Variants in KIF21A observed in about 807,000 individuals in gnomAD.
KIF21A encodes kinesin family member 21A.
In KIF21A, 114 loss-of-function variants were observed where a neutral mutation model predicts 202.9. That is an observed-to-expected ratio of 0.56 (90% CI 0.48 to 0.66). The LOEUF (loss-of-function observed/expected upper bound fraction) is 0.66. KIF21A is among the 30% of genes least tolerant of loss of function. The pLI, the probability that KIF21A is intolerant of heterozygous loss-of-function variation, is 0.00. For synonymous variants in KIF21A, 667 were observed against 670.8 expected, an observed-to-expected ratio of 0.99 and a Z score of 0.09; for missense variants, 1,677 against 1,994.9, an observed-to-expected ratio of 0.84 and a Z score of 3.04.
intron 1 of KIF21A, among the ~76,000 whole-genome samples, chr12:39,414,304 A>G (rs1953356657): frequency 6.6e-6 from 1 of 152,220 alleles, no homozygotes; most frequent in African/African-American, 2.4e-5. Flanking sequence ...CTGTGCAGAA[A>G]GCAGACCAAA....
At chr12:39,416,681 ATG>A (rs796903719) in intron 1 of KIF21A, among the ~76,000 whole-genome samples, 1,666 of 99,860 alleles carry the variant, frequency 0.017, 220 homozygotes, top group South Asian at 0.096. Flanking sequence ...GTACATATAT[ATG>A]TGTGTATATA....
intron 1 of KIF21A, among the ~76,000 whole-genome samples, chr12:39,370,989 A>G (rs893988360): frequency 6.6e-6 from 1 of 152,172 alleles, no homozygotes; most frequent in African/African-American, 2.4e-5. Context: ...TAGTATTTGC[A>G]TATAACTTAC....
At chr12:39,441,302 C>T (rs530244469) in intron 1 of KIF21A, among the ~76,000 whole-genome samples, 1 of 152,242 alleles carries the variant, frequency 6.6e-6, no homozygotes, top group South Asian at 2.1e-4. Flanking sequence ...GGTCAACAAA[C>T]TGCCTTGTGA....
rs977774054 is a variant in KIF21A, at chr12:39,442,241, A to G, written c.44+686T>C. ...CACCCATTTCACCCTTCCTCTGGCT[A>G]AAGAGTTTTCCTCCTTCTGTAGACC... On this transcript the variant is annotated intron_variant, in intron 1 of 37. Coordinates refer to ENST00000361418, the MANE Select transcript of KIF21A (RefSeq NM_001173464.2). The surrounding 1 kb of genome is among the most constrained non-coding windows in gnomAD (Gnocchi z 5.0). 1.3e-5 allele frequency among the ~76,000 whole-genome samples: 2 copies of G among 152,100 alleles called. No individual in the cohort carries two copies. The highest frequency in any genetic ancestry group is 4.8e-5 in the African/African-American group (2 of 41,422).
chr12:39,376,649 T>C (rs1950287897), intron 1 of KIF21A, among the ~76,000 whole-genome samples: 1 of 152,172 alleles, frequency 6.6e-6, no homozygotes, highest in Non-Finnish European at 1.5e-5. Context: ...TCCTATAACT[T>C]ACGTGTGCAA....
chr12:39,356,872 T>C lies in KIF21A; in HGVS notation c.1429A>G (p.Asn477Asp). 3 of 1,304,070 alleles carry C rather than the reference T, an allele frequency of 2.3e-6. No individual in the cohort carries two copies. The highest frequency in any genetic ancestry group is 3.3e-6 in the Non-Finnish European group (3 of 900,884). 80.8% of individuals were successfully genotyped at this position (1,304,070 alleles called of 1,614,324 possible). A position where few individuals can be genotyped will look rare whatever the true frequency, so the allele number is the denominator to read the frequency against. ...TCTTTTATATAACTATGAATCATAT[T>C]ACTAATCTCCTCATTTCCTTCACCT... ...RAGEGNEEIS[N>D]MIHSYIKEIE... The change falls in exon 10 of 38, where the codon AAT becomes GAT. Residue 477 changes from asparagine (N) to aspartate (D), a missense_variant. Asn to Asp is a conservative substitution (Grantham distance 23). Coordinates refer to ENST00000361418, the MANE Select transcript of KIF21A (RefSeq NM_001173464.2).
chr12:39,426,757 G>T (rs1954790314), intron 1 of KIF21A, among the ~76,000 whole-genome samples: 1 of 151,132 alleles, frequency 6.6e-6, no homozygotes. Flanking sequence ...GGTGGTGGAT[G>T]CTGGTAATCC....
At position 39,294,566 on chromosome 12, in the gene KIF21A, T is replaced by C. The variant is rs112390035; in HGVS notation, c.4932-49A>G. ...GGATATATGAACAAGGGCAGAAAGA[T>C]AAAGAAATAGCTCTTATAATTACTT... On this transcript the variant is annotated intron_variant, in intron 37 of 37. Transcript: ENST00000361418. 1.4e-3 allele frequency: 1,822 copies of C among 1,333,926 alleles called. 21 individuals are homozygous for C. The African/African-American group carries it at 0.023, about 17-fold the overall frequency. The allele number at this position is 1,333,926 out of a possible 1,614,324, so 82.6% of individuals were successfully genotyped here. A position where few individuals can be genotyped will look rare whatever the true frequency, so the allele number is the denominator to read the frequency against.
chr12:39,414,096 C>G (rs936888040), intron 1 of KIF21A, among the ~76,000 whole-genome samples: 3 of 152,202 alleles, frequency 2.0e-5, no homozygotes, highest in African/African-American at 7.2e-5. Context: ...TTGGAAATCT[C>G]ACTTGATTCT....
Position 39,442,751 on chromosome 12 carries a change from G to A in KIF21A, c.44+176C>T, listed in dbSNP as rs1939827920. Among the ~76,000 whole-genome samples, 1 of 152,150 alleles carries A rather than the reference G, an allele frequency of 6.6e-6. No homozygotes were observed. The highest frequency in any genetic ancestry group is 2.4e-5 in the African/African-American group (1 of 41,444). ...CGGCGCAGTCGCCCTGCCAGCACCC[G>A]GCCGCGCGTGCCAGGCCAGCGGGGA... On this transcript the variant is annotated intron_variant, in intron 1 of 37. Transcript: ENST00000361418. The surrounding 1 kb of genome is among the most constrained non-coding windows in gnomAD (Gnocchi z 5.0).
intron 26 of KIF21A, 80 bp from the exon 27 acceptor site, chr12:39,322,962 G>T: frequency 2.8e-6 from 3 of 1,065,130 alleles, no homozygotes; most frequent in Non-Finnish European, 4.1e-6. Context: ...ATTTATATGA[G>T]TTTGAAATAG....
chr12:39,390,623 T>C (rs1951277898), intron 1 of KIF21A, among the ~76,000 whole-genome samples: 1 of 152,174 alleles, frequency 6.6e-6, no homozygotes, highest in Admixed American at 6.5e-5. Context: ...TAAAGTCATA[T>C]ATACACTGTA....
At chr12:39,321,186 C>A (rs1055774854) in intron 27 of KIF21A, among the ~76,000 whole-genome samples, 1 of 151,962 alleles carries the variant, frequency 6.6e-6, no homozygotes, top group African/African-American at 2.4e-5. Flanking sequence ...AAGTGAGTGA[C>A]CAAACTCTCA....
At chr12:39,355,707 T>TTTATATATATATATATATATATA (rs1351512351) in intron 10 of KIF21A, among the ~76,000 whole-genome samples, 1 of 101,240 alleles carries the variant, frequency 9.9e-6, no homozygotes, top group African/African-American at 4.9e-5. Context: ...GCATGAACAA[T>TTTATATATATATATATATATATA]TATATATATA....
intron 1 of KIF21A, among the ~76,000 whole-genome samples, chr12:39,432,253 T>C (rs1316563399): frequency 3.9e-5 from 6 of 152,190 alleles, no homozygotes; most frequent in African/African-American, 1.2e-4. Flanking sequence ...TACATAGATA[T>C]AGGTGAAAAG....
intron 1 of KIF21A, among the ~76,000 whole-genome samples, chr12:39,383,342 TA>T (rs1318058914): frequency 1.3e-5 from 2 of 152,236 alleles, no homozygotes; most frequent in African/African-American, 4.8e-5. Context: ...ATGAGTTGTC[TA>T]AGCCACTAGC....
intron 31 of KIF21A, chr12:39,312,361 T>C (rs1026107926): frequency 6.6e-6 from 1 of 151,968 alleles, no homozygotes; most frequent in Admixed American, 6.6e-5. Context: ...GAAGGACGGT[T>C]ACCAGAGGCT....
chr12:39,390,112 T>C (rs565341367), intron 1 of KIF21A, among the ~76,000 whole-genome samples: 3 of 152,246 alleles, frequency 2.0e-5, no homozygotes, highest in Admixed American at 6.5e-5. Flanking sequence ...TAACCTCCTA[T>C]ATATAGCACT....
At chr12:39,387,482 G>T (rs933591758) in intron 1 of KIF21A, among the ~76,000 whole-genome samples, 2 of 152,096 alleles carry the variant, frequency 1.3e-5, no homozygotes, top group African/African-American at 4.8e-5. Context: ...TCTACTGCCA[G>T]GATAAAAATC....
Sources: gnomAD v4.1 joint callset for allele counts (sites outside exome capture counted in the v4.1 genomes callset) on GRCh38, gnomAD v4.1.1 for gene constraint, Gnocchi (gnomAD v3.1) non-coding constraint, MANE v1.5 for transcripts, NCBI Gene and HGNC (gene_info 2026-07-23, HGNC 2026-07-21) for gene names.